The following FLT4 variants were observed in gnomAD, a reference collection of about 807,000 sequenced individuals.
FLT4 encodes the protein vascular endothelial growth factor receptor 3.
In FLT4, 30 loss-of-function variants were observed where a neutral mutation model predicts 163.2. The ratio of observed to expected loss-of-function variants is 0.18; its 90% CI spans 0.14 to 0.25. The LOEUF is 0.25. Ranked by LOEUF, FLT4 falls within the 10% of genes least tolerant of loss-of-function variation. FLT4 has a pLI of 1.00. For synonymous variants in FLT4, 884 were observed against 789.5 expected, an observed-to-expected ratio of 1.12 and a Z score of -2.01; for missense variants, 1,510 against 1,863.8, an observed-to-expected ratio of 0.81 and a Z score of 3.50.
In FLT4 at chr5:180,603,009, G is replaced by A. The variant is rs1761593969; in HGVS notation, c.*183C>T. 1.2e-5 allele frequency: 8 copies of A among 648,420 alleles called. No individual in the cohort carries two copies. The highest frequency in any genetic ancestry group is 5.2e-5 in the Admixed American group (2 of 38,404). The allele number at this position is 648,420 out of a possible 1,614,324, so 40.2% of individuals were successfully genotyped here. A position where few individuals can be genotyped will look rare whatever the true frequency, so the allele number is the denominator to read the frequency against. ...CGTGGCCCTGGCCAGTCGTGGTGAC[G>A]GAATTCCGGGAGCCTTGGGCCTGGA... On this transcript the variant is annotated 3_prime_UTR_variant, in exon 30 of 30. Coordinates refer to ENST00000261937, the MANE Select transcript of FLT4 (RefSeq NM_182925.5).
Position 180,612,547 on chromosome 5 carries a change from C to A in FLT4, c.3496G>T (p.Val1166Leu), listed in dbSNP as rs1762294252. ...TGGAGCAGGTCCCCCAGGATCTCCACCAGCTCCGAGAATGCAGGTCTCGCC... is the reference window on the plus strand; with the variant it reads ...TGGAGCAGGTCCCCCAGGATCTCCAACAGCTCCGAGAATGCAGGTCTCGCC... The part of the protein sequence containing the change: ...PKARPAFSEL[V>L]EILGDLLQGR... Residue 1166 changes from valine to leucine, a missense_variant, in exon 26 of 30, where the codon GTG (valine) becomes TTG (leucine). Val to Leu is a conservative substitution (Grantham distance 32, BLOSUM62 1). This residue lies in a region of FLT4 where 295 missense variants were observed against 311.0 expected (regional missense o/e 0.95). Coordinates refer to ENST00000261937, the MANE Select transcript of FLT4 (RefSeq NM_182925.5). 6.2e-7 allele frequency: 1 copy of A among 1,614,106 alleles called. No homozygotes were observed. Among genetic ancestry groups the A allele is most frequent in the Non-Finnish European group, 8.5e-7 (1 of 1,179,978 alleles).
At chr5:180,611,558 A>T in intron 26 of FLT4, 79 bp from the exon 27 acceptor site, 1 of 1,302,740 alleles carries the variant, frequency 7.7e-7, no homozygotes. Context: ...CTCAGCCCTC[A>T]CCCCCGCCCT....
intron 1 of FLT4, among the ~76,000 whole-genome samples, chr5:180,644,709 C>A (rs555085753): frequency 6.6e-6 from 1 of 152,260 alleles, no homozygotes; most frequent in Non-Finnish European, 1.5e-5. Flanking sequence ...CCATTTCACA[C>A]GGAGGTGTGG....
At chr5:180,644,619 A>T (rs1189749381) in intron 1 of FLT4, among the ~76,000 whole-genome samples, 2 of 152,108 alleles carry the variant, frequency 1.3e-5, no homozygotes, top group African/African-American at 4.8e-5. Context: ...TGAATTTCCT[A>T]ATCTCCAAAA....
In FLT4 at chr5:180,612,509, C is replaced by T. The variant is rs1248533339; in HGVS notation, c.3534G>A (p.Leu1178=). 8 of 1,610,578 alleles carry T rather than the reference C, an allele frequency of 5.0e-6. No individual in the cohort carries two copies. The highest frequency in any genetic ancestry group is 1.3e-5 in the African/African-American group (1 of 74,994). The change falls in exon 26 of 30, where the codon CTG becomes CTA. Residue 1178 remains leucine, a synonymous_variant. Coordinates refer to ENST00000261937, the MANE Select transcript of FLT4 (RefSeq NM_182925.5). ...ACAGGGTGGGGAAGGGGCTCACTTGCAGGCCCCTGCCCTGGAGCAGGTCCC... is the reference window on the plus strand; with the variant it reads ...ACAGGGTGGGGAAGGGGCTCACTTGTAGGCCCCTGCCCTGGAGCAGGTCCC... ...ILGDLLQGRG[L]QEEEEVCMAP...
intron 26 of FLT4, 36 bp from the exon 27 acceptor site, chr5:180,611,515 C>A: frequency 6.2e-7 from 1 of 1,611,304 alleles, no homozygotes. Context: ...GGCCAGAAAC[C>A]ACCAGCCACT....
intron 1 of FLT4, among the ~76,000 whole-genome samples, chr5:180,637,342 A>G (rs189970344): frequency 1.8e-3 from 277 of 151,548 alleles, no homozygotes; most frequent in Middle Eastern, 0.014. Context: ...AAAAAAAAAA[A>G]AAAAGAAAAG....
rs991324699 is a variant in FLT4, at chr5:180,620,105, G to C, written c.2542+68C>G. On this transcript the variant is annotated intron_variant, in intron 17 of 29. Coordinates refer to ENST00000261937, the MANE Select transcript of FLT4 (RefSeq NM_182925.5). The surrounding 1 kb of genome is among the most constrained non-coding windows in gnomAD (Gnocchi z 4.4). The stretch of plus-strand genomic sequence containing the variant: ...CAAGTTTTGAAAATGGAGGGATTCA[G>C]GCACTCCGGCCTGCAGCAGGTGGGT... The C allele has an allele frequency of 6.4e-7, 1 of 1,556,284 alleles. No homozygotes were observed. Among genetic ancestry groups the C allele is most frequent in the African/African-American group, 1.4e-5 (1 of 73,988 alleles).
At chr5:180,649,958 ATCT>A (rs1765663233), upstream of FLT4, among the ~76,000 whole-genome samples, 1 of 152,150 alleles carries the variant, frequency 6.6e-6, no homozygotes, top group Non-Finnish European at 1.5e-5. Context: ...AGTATGTTAC[ATCT>A]TTGAAAATAG....
rs1763033159 is a variant in FLT4 at position 180,620,395 on chromosome 5, T to C, written c.2407-87A>G. The C allele has an allele frequency of 1.3e-6, 2 of 1,533,064 alleles. No homozygotes were observed. Among genetic ancestry groups the C allele is most frequent in the African/African-American group, 1.4e-5 (1 of 73,532 alleles). The allele number at this position is 1,533,064 out of a possible 1,614,324, so 95.0% of individuals were successfully genotyped here. ...TGGGCAGAACTTTGCCCAGGACAGA[T>C]GGCACTTCCTGCGGGGTTCTCAGTC... On this transcript the variant is annotated intron_variant, in intron 16 of 29. Coordinates refer to ENST00000261937, the MANE Select transcript of FLT4 (RefSeq NM_182925.5). The surrounding 1 kb of genome is among the most constrained non-coding windows in gnomAD (Gnocchi z 4.4).
At chr5:180,629,637 G>C in intron 6 of FLT4, 59 bp downstream of exon 6, 2 of 1,582,184 alleles carry the variant, frequency 1.3e-6, no homozygotes, top group Non-Finnish European at 8.6e-7. Flanking sequence ...CCCAGTGTGT[G>C]CTGTACAGTC....
chr5:180,642,035 C>CT (rs1765162644), intron 1 of FLT4, among the ~76,000 whole-genome samples: 1 of 152,020 alleles, frequency 6.6e-6, no homozygotes, highest in Non-Finnish European at 1.5e-5. Flanking sequence ...GGTGAAACCC[C>CT]ATCTCTACTA....
At chr5:180,640,716 A>G (rs1195840316) in intron 1 of FLT4, among the ~76,000 whole-genome samples, 1 of 152,006 alleles carries the variant, frequency 6.6e-6, no homozygotes, top group Non-Finnish European at 1.5e-5. Context: ...TCCTCCCATG[A>G]TGTGGGAGTC....
rs749960761 is a variant in FLT4, at chr5:180,621,667, C to T, written c.1895G>A (p.Arg632His). The stretch of plus-strand genomic sequence containing the variant: ...GATACTCAGGCTGAGCGTGGCGTGG[C>T]GCGCCCCAGGTGCCACCTCCTCCAG... Reference protein sequence around the residue: ...ASLEEVAPGARHATLSLSIPR... With the variant: ...ASLEEVAPGAHHATLSLSIPR... The change falls in exon 13 of 30, where the codon CGC (arginine) becomes CAC (histidine). Residue 632 changes from arginine to histidine, a missense_variant. Coordinates refer to ENST00000261937, the MANE Select transcript of FLT4 (RefSeq NM_182925.5). The T allele has an allele frequency of 3.7e-6, 6 of 1,609,878 alleles. No individual in the cohort carries two copies. The highest frequency in any genetic ancestry group is 2.2e-5 in the South Asian group (2 of 90,946).
chr5:180,630,893 G>C lies in FLT4; in HGVS notation c.156-94C>G. ...CCTCAGGCCGAGCCTCACCAGGTTT[G>C]TCTTACCCAGAGCATGGAACTGCCC... On this transcript the variant is annotated intron_variant, in intron 2 of 29. Transcript: ENST00000261937. This position sits in a 1 kb window ranked among gnomAD's most constrained non-coding sequence, Gnocchi z 6.3. The C allele has an allele frequency of 7.0e-7, 1 of 1,426,728 alleles. No homozygotes were observed. The highest frequency in any genetic ancestry group is 2.5e-5 in the East Asian group (1 of 40,444). 88.4% of individuals were successfully genotyped at this position (1,426,728 alleles called of 1,614,324 possible). A position where few individuals can be genotyped will look rare whatever the true frequency, so the allele number is the denominator to read the frequency against.
rs964246167 is a variant in FLT4, at chr5:180,636,080, A to C, written c.59-4302T>G. On this transcript the variant is annotated intron_variant, in intron 1 of 29. Coordinates refer to ENST00000261937, the MANE Select transcript of FLT4 (RefSeq NM_182925.5). The surrounding 1 kb of genome is among the most constrained non-coding windows in gnomAD (Gnocchi z 4.3). ...GTGGATGGGGAGAGGAGTCTGTAGG[A>C]GCTTCCTCCTGAAGGCACCGTGCCA... Among the ~76,000 whole-genome samples, 2 of 151,894 alleles carry C rather than the reference A, an allele frequency of 1.3e-5. No individual in the cohort carries two copies. Among genetic ancestry groups the C allele is most frequent in the Admixed American group, 1.3e-4 (2 of 15,262 alleles).
At position 180,629,948 on chromosome 5, in the gene FLT4, A is replaced by G; in HGVS notation, c.671T>C (p.Ile224Thr). The G allele has an allele frequency of 6.2e-7, 1 of 1,612,836 alleles. No homozygotes were observed. Among genetic ancestry groups the G allele is most frequent in the South Asian group, 1.1e-5 (1 of 91,070 alleles). Residue 224 changes from isoleucine to threonine, a missense_variant, in exon 5 of 30, where the codon ATC becomes ACC. Coordinates refer to ENST00000261937, the MANE Select transcript of FLT4 (RefSeq NM_182925.5). ...ACGGGGCACAGCCCTGTTACCTGTG[A>G]TGTGCACCAGGAAGGGGTTGGAAAG... ...DFLSNPFLVH[I>T]TGNELYDIQL... is the part of the protein sequence containing the mutation.
In FLT4 at chr5:180,625,856, G is replaced by T. The variant is rs1484289787; in HGVS notation, c.1421+13C>A. On this transcript the variant is annotated intron_variant, in intron 10 of 29. Coordinates refer to ENST00000261937, the MANE Select transcript of FLT4 (RefSeq NM_182925.5). ...TGGCTGTGCAGGGGACCTGAGGCTG[G>T]AGCTGTACTCACAGACTACGCTGGG... is the stretch of plus-strand genomic sequence containing the variant. 24 of 1,609,556 alleles carry T rather than the reference G, an allele frequency of 1.5e-5. No individual in the cohort carries two copies. Among genetic ancestry groups the T allele is most frequent in the Non-Finnish European group, 2.0e-5 (24 of 1,179,402 alleles).
At chr5:180,609,875 A>G (rs1381062754) in intron 28 of FLT4, 30 bp downstream of exon 28, 3 of 1,613,534 alleles carry the variant, frequency 1.9e-6, no homozygotes, top group African/African-American at 2.7e-5. Flanking sequence ...CTGAGCCGAG[A>G]GCGCAGCCCC....
Sources: allele counts gnomAD v4.1 joint callset (sites outside exome capture counted in the v4.1 genomes callset), GRCh38; gene constraint gnomAD v4.1.1; regional missense constraint gnomAD v4.1.1; non-coding constraint Gnocchi (gnomAD v3.1); transcripts MANE v1.5; gene names NCBI Gene and HGNC (gene_info 2026-07-23, HGNC 2026-07-21).